Variants in LRFN2 observed in about 807,000 individuals in gnomAD.
LRFN2 encodes leucine rich repeat and fibronectin type III domain containing 2.
A neutral mutation model predicts 37.3 loss-of-function variants in LRFN2; 18 were observed. The ratio of observed to expected loss-of-function variants is 0.48; its 90% CI spans 0.33 to 0.72. The LOEUF is 0.72. Among genes scored for constraint, LRFN2 ranks in the 30% least tolerant of loss-of-function variants. The pLI is 0.02. For missense variants in LRFN2, 1,006 were observed against 1,060.7 expected (o/e 0.95, Z 0.72); for synonymous variants, 556 against 466.6 (o/e 1.19, Z -2.47).
chr6:40,554,827 TCAGA>T (rs921961143), intron 1 of LRFN2, among the ~76,000 whole-genome samples: 3 of 152,182 alleles, frequency 2.0e-5, no homozygotes, highest in African/African-American at 4.8e-5. Flanking sequence ...ATCTCTGCAC[TCAGA>T]CAGTTTCTTG....
intron 1 of LRFN2, among the ~76,000 whole-genome samples, chr6:40,523,136 C>T (rs1051892237): frequency 5.3e-5 from 8 of 152,284 alleles, no homozygotes; most frequent in Non-Finnish European, 7.4e-5. Context: ...CCATTTGAAG[C>T]CCAGAGGAAC....
rs142222837 is a variant in LRFN2 at position 40,418,157 on chromosome 6, C to T, written c.1400+13557G>A. 3.1e-4 allele frequency among the ~76,000 whole-genome samples: 47 copies of T among 152,320 alleles called. No homozygotes were observed. In the East Asian group the frequency reaches 8.9e-3, roughly 29 times the overall value. Reference sequence around the variant, plus strand: ...CACTGCCACTCTTCCTCCAGAGGCACTGGAGTCCTTGCCACTTCTCCAACA... The same window carrying T: ...CACTGCCACTCTTCCTCCAGAGGCATTGGAGTCCTTGCCACTTCTCCAACA... On this transcript the variant is annotated intron_variant, in intron 2 of 2. Transcript: ENST00000338305.
intron 1 of LRFN2, among the ~76,000 whole-genome samples, chr6:40,552,616 T>G (rs1253513080): frequency 6.6e-6 from 1 of 152,154 alleles, no homozygotes; most frequent in East Asian, 1.9e-4. Context: ...CTAAAAGCAT[T>G]AAATAACTCA....
intron 1 of LRFN2, among the ~76,000 whole-genome samples, chr6:40,505,828 G>T (rs1442108377): frequency 1.3e-5 from 2 of 152,254 alleles, no homozygotes; most frequent in Non-Finnish European, 2.9e-5. Context: ...TGACTCCCCA[G>T]GATGGGTCTC....
intron 1 of LRFN2, among the ~76,000 whole-genome samples, chr6:40,552,612 G>A (rs1007591875): frequency 2.6e-5 from 4 of 152,012 alleles, no homozygotes; most frequent in Non-Finnish European, 5.9e-5. Context: ...ACAGCTAAAA[G>A]CATTAAATAA....
At chr6:40,454,192 A>T (rs62395893) in intron 1 of LRFN2, among the ~76,000 whole-genome samples, 3,445 of 152,358 alleles carry the variant, frequency 0.023, 56 homozygotes, top group Non-Finnish European at 0.037. Context: ...AGAGACAAAG[A>T]TGTTTGATAA....
At chr6:40,469,361 T>G (rs764264349) in intron 1 of LRFN2, among the ~76,000 whole-genome samples, 2 of 150,576 alleles carry the variant, frequency 1.3e-5, no homozygotes, top group Non-Finnish European at 2.9e-5. Flanking sequence ...CGGTTTGTGG[T>G]CATTTGTTGC....
intron 1 of LRFN2, among the ~76,000 whole-genome samples, chr6:40,509,631 G>A (rs1765641431): frequency 6.6e-6 from 1 of 152,058 alleles, no homozygotes; most frequent in Non-Finnish European, 1.5e-5. Context: ...GTGAGTGCCT[G>A]CATGCGGGTA....
At chr6:40,581,114 A>T (rs1216932898) in intron 1 of LRFN2, among the ~76,000 whole-genome samples, 2 of 152,076 alleles carry the variant, frequency 1.3e-5, no homozygotes, top group African/African-American at 4.8e-5. Flanking sequence ...TCCAAACGAA[A>T]CCCAGTTACA....
intron 1 of LRFN2, among the ~76,000 whole-genome samples, chr6:40,534,895 G>A (rs1766420651): frequency 6.6e-6 from 1 of 152,174 alleles, no homozygotes; most frequent in Admixed American, 6.5e-5. Flanking sequence ...TAGGCAATGA[G>A]TACCAGGATC....
chr6:40,419,414 C>T (rs147540620), intron 2 of LRFN2, among the ~76,000 whole-genome samples: 10 of 152,316 alleles, frequency 6.6e-5, no homozygotes, highest in Admixed American at 1.3e-4. Context: ...TACCCCTCTC[C>T]TGGGGCTCCA....
At chr6:40,478,215 G>A (rs995399739) in intron 1 of LRFN2, among the ~76,000 whole-genome samples, 1 of 152,070 alleles carries the variant, frequency 6.6e-6, no homozygotes, top group Non-Finnish European at 1.5e-5. Flanking sequence ...CCTGAGTTGG[G>A]GTCTGAGCCC....
chr6:40,533,119 T>G (rs1378172258), intron 1 of LRFN2, among the ~76,000 whole-genome samples: 1 of 152,176 alleles, frequency 6.6e-6, no homozygotes, highest in Non-Finnish European at 1.5e-5. Context: ...TTTTATTTTG[T>G]TTTGTTTTCT....
rs139707142 is a variant in LRFN2 at position 40,514,875 on chromosome 6, T to C, written c.-19+72066A>G. Among the ~76,000 whole-genome samples the C allele has an allele frequency of 2.5e-3, 385 of 152,306 alleles. 4 individuals carry two copies. In the South Asian group the frequency reaches 0.033, roughly 13 times the overall value. ...CAAACAGTTCCCATTTCTTAAAGTA[T>C]ATCTCTTTTTCCTTATGCAGCACCC... On this transcript the variant is annotated intron_variant, in intron 1 of 2. Transcript: ENST00000338305.
At chr6:40,566,327 G>T (rs1019286373) in intron 1 of LRFN2, among the ~76,000 whole-genome samples, 2 of 152,180 alleles carry the variant, frequency 1.3e-5, no homozygotes, top group African/African-American at 4.8e-5. Context: ...TCCGTGTGGC[G>T]ATTCCTCAGG....
intron 1 of LRFN2, among the ~76,000 whole-genome samples, chr6:40,480,166 C>T (rs1352728756): frequency 6.6e-6 from 1 of 152,188 alleles, no homozygotes; most frequent in African/African-American, 2.4e-5. Flanking sequence ...CCCTGTTTCT[C>T]AGATGAGGAA....
intron 2 of LRFN2, among the ~76,000 whole-genome samples, chr6:40,408,894 T>C (rs1254216776): frequency 6.6e-6 from 1 of 152,222 alleles, no homozygotes; most frequent in Non-Finnish European, 1.5e-5. Flanking sequence ...CAACAAAATT[T>C]TCTCACAGAA....
In LRFN2 at chr6:40,431,971, G is replaced by A. The variant is rs753365520; in HGVS notation, c.1143C>T (p.His381=). 5 of 1,613,606 alleles carry A rather than the reference G, an allele frequency of 3.1e-6. No homozygotes were observed. In the South Asian group the frequency reaches 3.3e-5, roughly 11 times the overall value. ...MVEVSIVQLP[H]LSNSTSRTAP... ...CAGTGCGGCTGGTGCTGTTGCTGAGGTGTGGCAGCTGGACGATGGAGACCT... is the reference window on the plus strand; with the variant it reads ...CAGTGCGGCTGGTGCTGTTGCTGAGATGTGGCAGCTGGACGATGGAGACCT... Residue 381 remains histidine, a synonymous_variant, in exon 2 of 3, where the codon CAC becomes CAT. Coordinates refer to ENST00000338305, the MANE Select transcript of LRFN2 (RefSeq NM_020737.3).
intron 1 of LRFN2, among the ~76,000 whole-genome samples, chr6:40,576,772 G>A (rs904320829): frequency 5.9e-5 from 9 of 152,126 alleles, no homozygotes; most frequent in Admixed American, 1.3e-4. Context: ...GGCCAGCCTG[G>A]CTCTAAGCAG....
Sources: gnomAD v4.1 joint callset for allele counts (sites outside exome capture counted in the v4.1 genomes callset) on GRCh38, gnomAD v4.1.1 for gene constraint, MANE v1.5 for transcripts, NCBI Gene and HGNC (gene_info 2026-07-23, HGNC 2026-07-21) for gene names.